The following STARD13 variants were observed in gnomAD, a reference collection of about 807,000 sequenced individuals.
STARD13 encodes stAR-related lipid transfer protein 13.
In STARD13, 62 loss-of-function variants were observed where a neutral mutation model predicts 106.4. The observed-to-expected ratio is 0.58, with a 90% CI of 0.48 to 0.72. STARD13 has a LOEUF of 0.72. Ranked by LOEUF, STARD13 falls within the 30% of genes least tolerant of loss-of-function variation. STARD13 has a pLI of 0.00. For missense variants in STARD13, 1,387 were observed against 1,424.0 expected, an observed-to-expected ratio of 0.97 and a Z score of 0.42; for synonymous variants, 565 against 553.0, an observed-to-expected ratio of 1.02 and a Z score of -0.31.
the STARD13 span, among the ~76,000 whole-genome samples, chr13:33,395,838 T>G: frequency 6.6e-6 from 1 of 152,066 alleles, no homozygotes; most frequent in African/African-American, 2.4e-5. Flanking sequence ...AAACATTTAT[T>G]TATTTATTTA....
the STARD13 span, among the ~76,000 whole-genome samples, chr13:33,418,163 C>T: frequency 6.6e-6 from 1 of 152,218 alleles, no homozygotes; most frequent in Non-Finnish European, 1.5e-5. Flanking sequence ...TGCAAGGGGT[C>T]AGGGGATTTC....
chr13:33,463,136 G>A, the STARD13 span, among the ~76,000 whole-genome samples: 1 of 152,176 alleles, frequency 6.6e-6, no homozygotes, highest in Non-Finnish European at 1.5e-5. Flanking sequence ...CTTAGCTTGG[G>A]AAGGTTCTTG....
chr13:33,410,282 T>C, the STARD13 span, among the ~76,000 whole-genome samples: 4 of 152,316 alleles, frequency 2.6e-5, no homozygotes, highest in East Asian at 7.7e-4. Context: ...TCACGGAAGA[T>C]GCTAATGGTC....
At chr13:33,216,129 A>C (rs1459198160) in intron 1 of STARD13, among the ~76,000 whole-genome samples, 1 of 152,216 alleles carries the variant, frequency 6.6e-6, no homozygotes, top group Non-Finnish European at 1.5e-5. Context: ...ATGTAAACTA[A>C]TACAACCACT....
intron 1 of STARD13, among the ~76,000 whole-genome samples, chr13:33,208,490 C>A (rs1349925638): frequency 6.6e-6 from 1 of 152,050 alleles, no homozygotes; most frequent in African/African-American, 2.4e-5. Flanking sequence ...TGGGGCGGAA[C>A]CATATATGGG....
At chr13:33,614,192 C>T in the STARD13 span, among the ~76,000 whole-genome samples, 1 of 151,984 alleles carries the variant, frequency 6.6e-6, no homozygotes, top group Non-Finnish European at 1.5e-5. Flanking sequence ...ACCAGCTCAG[C>T]TTGAAAACCA....
chr13:33,340,202 T>C (rs2077944426), intron 1 of STARD13, among the ~76,000 whole-genome samples: 1 of 152,202 alleles, frequency 6.6e-6, no homozygotes, highest in Admixed American at 6.5e-5. Context: ...TTATTTCCAA[T>C]GGAAAAACAC....
rs976555525 is a variant in STARD13, at chr13:33,238,817, C to A, written c.169+46653G>T. ...ATTATCTCTGTAATCCTATGATATCCCCATGAGGTAGCATGTTTTTTTATT... is the reference window on the plus strand; with the variant it reads ...ATTATCTCTGTAATCCTATGATATCACCATGAGGTAGCATGTTTTTTTATT... On this transcript the variant is annotated intron_variant, in intron 1 of 13. Coordinates refer to ENST00000336934, the MANE Select transcript of STARD13 (RefSeq NM_178006.4). Among the ~76,000 whole-genome samples, 6 of 151,930 alleles carry A rather than the reference C, an allele frequency of 3.9e-5. No individual in the cohort carries two copies. In the South Asian group the frequency reaches 1.3e-3, roughly 32 times the overall value.
the STARD13 span, among the ~76,000 whole-genome samples, chr13:33,494,542 C>G: frequency 6.6e-6 from 1 of 152,066 alleles, no homozygotes; most frequent in East Asian, 1.9e-4. Context: ...TCTACCTCCC[C>G]CACCTTTCTG....
chr13:33,227,661 C>A (rs540062132), intron 1 of STARD13, among the ~76,000 whole-genome samples: 1 of 152,122 alleles, frequency 6.6e-6, no homozygotes, highest in South Asian at 2.1e-4. Flanking sequence ...GTATTAGGAC[C>A]ACTTTAACTT....
chr13:33,239,743 G>T (rs536515698), intron 1 of STARD13, among the ~76,000 whole-genome samples: 1 of 152,112 alleles, frequency 6.6e-6, no homozygotes, highest in African/African-American at 2.4e-5. Context: ...CAGGCAATTT[G>T]TTTGTGTTGT....
the STARD13 span, among the ~76,000 whole-genome samples, chr13:33,394,859 C>G: frequency 6.6e-6 from 1 of 152,150 alleles, no homozygotes; most frequent in African/African-American, 2.4e-5. Flanking sequence ...GGCCTGAGAG[C>G]AGGCATGGAA....
the STARD13 span, among the ~76,000 whole-genome samples, chr13:33,668,333 A>G: frequency 2.6e-5 from 4 of 152,238 alleles, no homozygotes; most frequent in African/African-American, 9.6e-5. Flanking sequence ...GTCTTTTATT[A>G]GACATGCAAA....
the STARD13 span, among the ~76,000 whole-genome samples, chr13:33,372,306 A>C: frequency 2.0e-5 from 3 of 152,186 alleles, no homozygotes; most frequent in Non-Finnish European, 4.4e-5. Context: ...GAATACACCT[A>C]CATATGTGCA....
At chr13:33,513,265 C>CTG in the STARD13 span, among the ~76,000 whole-genome samples, 1 of 152,194 alleles carries the variant, frequency 6.6e-6, no homozygotes, top group East Asian at 1.9e-4. Context: ...GCCCCTCTCT[C>CTG]TTTCACACAG....
At chr13:33,169,278 G>T (rs898811576) in intron 1 of STARD13, among the ~76,000 whole-genome samples, 3 of 152,196 alleles carry the variant, frequency 2.0e-5, no homozygotes, top group African/African-American at 7.2e-5. Flanking sequence ...CTCTGGGAAG[G>T]TACAAAAGGC....
At chr13:33,388,892 C>A in the STARD13 span, among the ~76,000 whole-genome samples, 560 of 152,024 alleles carry the variant, frequency 3.7e-3, 6 homozygotes, top group African/African-American at 0.012. Flanking sequence ...GCTCCTAGTA[C>A]CTCGCTGACT....
At chr13:33,675,620 T>C in the STARD13 span, among the ~76,000 whole-genome samples, 1 of 152,156 alleles carries the variant, frequency 6.6e-6, no homozygotes, top group Non-Finnish European at 1.5e-5. Context: ...AGATTGGTGC[T>C]CTCTGTGAAA....
the STARD13 span, among the ~76,000 whole-genome samples, chr13:33,557,834 T>C: frequency 6.6e-6 from 1 of 152,192 alleles, no homozygotes; most frequent in African/African-American, 2.4e-5. Context: ...GGTATACCTA[T>C]AGAAGGTTTC....
Sources: allele counts gnomAD v4.1 joint callset (sites outside exome capture counted in the v4.1 genomes callset), GRCh38; gene constraint gnomAD v4.1.1; transcripts MANE v1.5; gene names NCBI Gene and HGNC (gene_info 2026-07-23, HGNC 2026-07-21).